Variants in FMN2 observed in about 807,000 individuals in gnomAD.
The protein encoded by FMN2 is formin 2, also known as formin-2.
In FMN2, 51 loss-of-function variants were observed where a neutral mutation model predicts 142.3. The observed-to-expected ratio is 0.36, with a 90% CI of 0.29 to 0.45. The LOEUF is 0.45. FMN2 is among the 20% of genes least tolerant of loss of function. The pLI is 1.00. For missense variants in FMN2, 1,936 were observed against 2,122.8 expected, an observed-to-expected ratio of 0.91 and a Z score of 1.73; for synonymous variants, 882 against 869.8, an observed-to-expected ratio of 1.01 and a Z score of -0.25.
chr1:240,298,727 TCAC>T, intron 8 of FMN2, among the ~76,000 whole-genome samples: 1 of 152,140 alleles, frequency 6.6e-6, no homozygotes, highest in Non-Finnish European at 1.5e-5. Flanking sequence ...AACAATTTCA[TCAC>T]CAAACCATCC....
At chr1:240,381,272 A>G (rs1214942548) in intron 14 of FMN2, among the ~76,000 whole-genome samples, 2 of 152,210 alleles carry the variant, frequency 1.3e-5, no homozygotes, top group African/African-American at 2.4e-5. Flanking sequence ...GAAATTCTCA[A>G]GAAAATACTA....
At chr1:240,356,118 G>A (rs1322824774) in intron 14 of FMN2, among the ~76,000 whole-genome samples, 1 of 152,082 alleles carries the variant, frequency 6.6e-6, no homozygotes, top group Non-Finnish European at 1.5e-5. Context: ...CATGCTATTT[G>A]TGGATAATGC....
At chr1:240,223,497 A>G (rs573889499) in intron 6 of FMN2, among the ~76,000 whole-genome samples, 11 of 152,188 alleles carry the variant, frequency 7.2e-5, no homozygotes, top group Non-Finnish European at 1.5e-4. Context: ...TGCTGGCCTC[A>G]CAAAATGAGT....
chr1:240,093,550 C>A lies in FMN2; in HGVS notation c.1441C>A (p.Arg481Ser). The part of the protein sequence containing the change: ...ADGGLAAGLS[R>S]SADWTEELGA... The stretch of plus-strand genomic sequence containing the variant: ...CGGCGGCCTTGCGGCCGGCCTGAGC[C>A]GCTCGGCTGACTGGACGGAGGAGCT... Residue 481 changes from arginine to serine, a missense_variant, in exon 1 of 18, where the codon CGC (arginine) becomes AGC (serine). Around this residue, in one of 8 missense-constraint regions of FMN2, gnomAD observed 751 missense variants for 791.8 expected, o/e 0.95. Coordinates refer to ENST00000319653, the MANE Select transcript of FMN2 (RefSeq NM_020066.5). 1 of 1,526,648 alleles carries A rather than the reference C, an allele frequency of 6.6e-7. No homozygotes were observed. Among genetic ancestry groups the A allele is most frequent in the South Asian group, 1.3e-5 (1 of 77,986 alleles). 94.6% of individuals were successfully genotyped at this position (1,526,648 alleles called of 1,614,324 possible).
chr1:240,153,884 G>A (rs1185564281), intron 2 of FMN2, among the ~76,000 whole-genome samples: 1 of 152,046 alleles, frequency 6.6e-6, no homozygotes, highest in African/African-American at 2.4e-5. Flanking sequence ...GGGAGGCCAA[G>A]GAGGGTGGAT....
intron 2 of FMN2, among the ~76,000 whole-genome samples, chr1:240,138,873 A>AT (rs1191720365): frequency 1.3e-5 from 2 of 152,220 alleles, no homozygotes; most frequent in Non-Finnish European, 2.9e-5. Flanking sequence ...AATTAATAAA[A>AT]TAATCTTACT....
intron 7 of FMN2, among the ~76,000 whole-genome samples, chr1:240,259,169 G>A (rs1668542993): frequency 6.6e-6 from 1 of 152,206 alleles, no homozygotes; most frequent in South Asian, 2.1e-4. Context: ...GCAGTACTTG[G>A]TGTTTCTAAA....
At chr1:240,429,775 T>C (rs1441316066) in intron 15 of FMN2, among the ~76,000 whole-genome samples, 1 of 152,248 alleles carries the variant, frequency 6.6e-6, no homozygotes, top group Non-Finnish European at 1.5e-5. Context: ...CATTTCATCA[T>C]ATTTATAGAT....
At chr1:240,382,826 A>T (rs1174365335) in intron 14 of FMN2, among the ~76,000 whole-genome samples, 1 of 152,208 alleles carries the variant, frequency 6.6e-6, no homozygotes, top group Non-Finnish European at 1.5e-5. Flanking sequence ...ATAAAAAGAA[A>T]AAAAAACAGG....
In FMN2 at chr1:240,207,588, C is replaced by G; in HGVS notation, c.2776C>G (p.Leu926Val). ...AGCGGGCATACCTCCTCCGCCGCCT[C>G]TACCCGGAGCAGGCATACTCCCTCT... is the stretch of plus-strand genomic sequence containing the variant. ...PGAGIPPPPP[L>V]PGAGILPLPP... The change falls in exon 5 of 18, where the codon CTA becomes GTA. Residue 926 changes from leucine (L) to valine (V), a missense_variant. Physicochemically the swap from Leu to Val is conservative, Grantham distance 32. Coordinates refer to ENST00000319653, the MANE Select transcript of FMN2 (RefSeq NM_020066.5). The G allele has an allele frequency of 6.3e-7, 1 of 1,592,142 alleles. No homozygotes were observed. The highest frequency in any genetic ancestry group is 1.1e-5 in the South Asian group (1 of 87,192).
At chr1:240,361,537 A>G (rs1191380259) in intron 14 of FMN2, among the ~76,000 whole-genome samples, 2 of 152,218 alleles carry the variant, frequency 1.3e-5, no homozygotes, top group African/African-American at 2.4e-5. Context: ...TGTGAGGGAT[A>G]ATAATAAGAC....
At chr1:240,173,473 G>T (rs1664792310) in intron 2 of FMN2, among the ~76,000 whole-genome samples, 1 of 152,160 alleles carries the variant, frequency 6.6e-6, no homozygotes, top group Non-Finnish European at 1.5e-5. Context: ...CAGCAGAGGT[G>T]GGTCTGATTC....
At chr1:240,176,481 T>G (rs1023143319) in intron 2 of FMN2, among the ~76,000 whole-genome samples, 1 of 152,132 alleles carries the variant, frequency 6.6e-6, no homozygotes, top group African/African-American at 2.4e-5. Context: ...AGAGACATCC[T>G]CCTAAACTAG....
chr1:240,144,202 C>A (rs1235074979), intron 2 of FMN2: 13 of 1,509,392 alleles, frequency 8.6e-6, no homozygotes, highest in Middle Eastern at 1.7e-4. Flanking sequence ...TTGCCATCAT[C>A]GTTAGCAGCT....
chr1:240,132,493 T>C (rs1225361757), intron 2 of FMN2, among the ~76,000 whole-genome samples: 1 of 152,090 alleles, frequency 6.6e-6, no homozygotes, highest in Non-Finnish European at 1.5e-5. Context: ...CAAAGACCAG[T>C]CCATGGTGGA....
chr1:240,411,630 G>GTT (rs144007284), intron 15 of FMN2, among the ~76,000 whole-genome samples: 25 of 140,888 alleles, frequency 1.8e-4, no homozygotes, highest in East Asian at 1.2e-3. Context: ...TTGATCTGTT[G>GTT]TTTTTTTTTT....
chr1:240,128,524 G>A (rs1015496141), intron 2 of FMN2, among the ~76,000 whole-genome samples: 1 of 152,164 alleles, frequency 6.6e-6, no homozygotes. Flanking sequence ...TTGGATGCAT[G>A]TTTTTGGTTG....
Position 240,437,198 on chromosome 1 carries a change from G to A in FMN2, c.4911-863G>A, listed in dbSNP as rs75257181. On this transcript the variant is annotated intron_variant, in intron 15 of 17. Transcript: ENST00000319653. Reference sequence around the variant, plus strand: ...GTGGCACCTTCTGAAAACTGGCCCTGAGCAATCTACCGTCAAAGTCCTGGC... The same window carrying A: ...GTGGCACCTTCTGAAAACTGGCCCTAAGCAATCTACCGTCAAAGTCCTGGC... Among the ~76,000 whole-genome samples, 372 of 151,892 alleles carry A rather than the reference G, an allele frequency of 2.4e-3. 5 individuals are homozygous for A. Among genetic ancestry groups the A allele is most frequent in the African/African-American group, 8.3e-3 (344 of 41,414 alleles).
chr1:240,225,436 T>C (rs1013386070), intron 6 of FMN2, among the ~76,000 whole-genome samples: 6 of 152,126 alleles, frequency 3.9e-5, no homozygotes, highest in Non-Finnish European at 8.8e-5. Flanking sequence ...GTAGCCAGGC[T>C]GAAAGATTAA....
Sources: gnomAD v4.1 joint callset for allele counts (sites outside exome capture counted in the v4.1 genomes callset) on GRCh38, gnomAD v4.1.1 for gene constraint, gnomAD v4.1.1 regional missense constraint, MANE v1.5 for transcripts, NCBI Gene and HGNC (gene_info 2026-07-23, HGNC 2026-07-21) for gene names.